The following PRR16 variants were observed in gnomAD, a reference collection of about 807,000 sequenced individuals.
PRR16 encodes protein Largen.
PRR16 carries 6 observed loss-of-function variants against 18.2 expected under a neutral mutation model. That is an observed-to-expected ratio of 0.33 (90% confidence interval 0.18 to 0.65). PRR16 has a LOEUF of 0.65. Among genes scored for constraint, PRR16 ranks in the 30% least tolerant of loss-of-function variants. The pLI is 0.74. For missense variants in PRR16, 412 were observed against 376.6 expected (o/e 1.09, Z -0.78); for synonymous variants, 151 against 147.8 (o/e 1.02, Z -0.16).
At chr5:120,715,105 TAAAA>T in the PRR16 span, among the ~76,000 whole-genome samples, 14 of 144,948 alleles carry the variant, frequency 9.7e-5, no homozygotes, top group East Asian at 2.0e-4. Flanking sequence ...TCCCAGAACT[TAAAA>T]AAAAAAAAGT....
chr5:120,650,800 G>C (rs979181525), intron 1 of PRR16, among the ~76,000 whole-genome samples: 2 of 152,110 alleles, frequency 1.3e-5, no homozygotes, highest in African/African-American at 4.8e-5. Context: ...GTGTGCATGT[G>C]TCTTTATAGC....
rs10606917 is a variant in PRR16 at position 120,646,048 on chromosome 5, T to TTATATATATATATATATATATATA, written c.160-39902_160-39879dup. 2.3e-3 allele frequency among the ~76,000 whole-genome samples: 242 copies of TTATATATATATATATATATATATA among 104,796 alleles called. 6 individuals are homozygous for TTATATATATATATATATATATATA. The highest frequency in any genetic ancestry group is 5.6e-3 in the Middle Eastern group (1 of 180). The allele number at this position is 104,796 out of a possible 152,430, so 68.8% of individuals were successfully genotyped here. A position where few individuals can be genotyped will look rare whatever the true frequency, so the allele number is the denominator to read the frequency against. On this transcript the variant is annotated intron_variant, in intron 1 of 1. Transcript: ENST00000407149. ...CAAATTACAAAAAAAAATACATATT[T>TTATATATATATATATATATATATA]TATATATATATATATATATATATAT...
At chr5:120,685,603 G>T (rs887146327) in intron 1 of PRR16, among the ~76,000 whole-genome samples, 1 of 151,956 alleles carries the variant, frequency 6.6e-6, no homozygotes, top group South Asian at 2.1e-4. Flanking sequence ...ACAGCTTTCT[G>T]CATGTTAAGC....
chr5:120,629,630 C>G (rs1406432986), intron 1 of PRR16, among the ~76,000 whole-genome samples: 1 of 152,100 alleles, frequency 6.6e-6, no homozygotes, highest in Non-Finnish European at 1.5e-5. Context: ...TACTGACATG[C>G]TTTCCAATTT....
chr5:120,788,251 A>G, the PRR16 span, among the ~76,000 whole-genome samples: 8 of 151,992 alleles, frequency 5.3e-5, no homozygotes, highest in Non-Finnish European at 1.2e-4. Context: ...TGGACTCTAG[A>G]GTAGTACACA....
At chr5:120,565,469 T>G (rs1458229427) in intron 1 of PRR16, among the ~76,000 whole-genome samples, 1 of 152,186 alleles carries the variant, frequency 6.6e-6, no homozygotes, top group Non-Finnish European at 1.5e-5. Flanking sequence ...CTTGCCTAAA[T>G]GTGCAGAAGA....
chr5:120,790,493 C>T, the PRR16 span: 1 of 142,080 alleles, frequency 7.0e-6, no homozygotes, highest in Non-Finnish European at 1.6e-5. Context: ...AGAAACATTG[C>T]AGCAATGCAC....
the PRR16 span, among the ~76,000 whole-genome samples, chr5:120,746,322 G>A: frequency 6.6e-6 from 1 of 151,908 alleles, no homozygotes; most frequent in Non-Finnish European, 1.5e-5. Context: ...AGTTAAGTGT[G>A]ATTTTGATTT....
chr5:120,770,942 TCTCTCTCTCA>T, the PRR16 span, among the ~76,000 whole-genome samples: 16 of 150,080 alleles, frequency 1.1e-4, no homozygotes, highest in Non-Finnish European at 1.6e-4. Flanking sequence ...TCTCTCTCTC[TCTCTCTCTCA>T]CACACACACA....
chr5:120,538,068 G>T (rs1031378353), intron 1 of PRR16, among the ~76,000 whole-genome samples: 7 of 152,100 alleles, frequency 4.6e-5, no homozygotes, highest in South Asian at 2.1e-4. Flanking sequence ...GAGCCACCGC[G>T]CCCGGCCGTT....
At chr5:120,589,725 C>A (rs925424488) in intron 1 of PRR16, among the ~76,000 whole-genome samples, 1 of 152,086 alleles carries the variant, frequency 6.6e-6, no homozygotes, top group East Asian at 1.9e-4. Flanking sequence ...ACCATGAGAA[C>A]AGTATGGCAG....
chr5:120,726,944 A>G, the PRR16 span, among the ~76,000 whole-genome samples: 382 of 152,086 alleles, frequency 2.5e-3, no homozygotes, highest in Middle Eastern at 0.01. Flanking sequence ...GGTTTTCTAC[A>G]TTTGTCTTCT....
intron 1 of PRR16, among the ~76,000 whole-genome samples, chr5:120,638,314 C>T (rs921053034): frequency 1.3e-5 from 2 of 152,136 alleles, no homozygotes; most frequent in East Asian, 1.9e-4. Context: ...CAGGTTATTT[C>T]GCCAAGGTCA....
the PRR16 span, among the ~76,000 whole-genome samples, chr5:120,769,755 C>G: frequency 6.6e-6 from 1 of 151,652 alleles, no homozygotes; most frequent in Non-Finnish European, 1.5e-5. Context: ...ATATGGTAGT[C>G]CTGTTTTTAA....
chr5:120,754,353 GATGT>G, the PRR16 span, among the ~76,000 whole-genome samples: 2 of 56,018 alleles, frequency 3.6e-5, no homozygotes, highest in African/African-American at 1.8e-4. Context: ...TATGTTATAT[GATGT>G]ATATAAATAT....
the PRR16 span, among the ~76,000 whole-genome samples, chr5:120,791,511 A>AGAT: frequency 6.6e-6 from 1 of 150,958 alleles, no homozygotes; most frequent in East Asian, 1.9e-4. Flanking sequence ...CATAATAATT[A>AGAT]GATTAAAAAA....
intron 1 of PRR16, among the ~76,000 whole-genome samples, chr5:120,612,329 G>C (rs924616880): frequency 6.6e-6 from 1 of 152,092 alleles, no homozygotes; most frequent in Non-Finnish European, 1.5e-5. Flanking sequence ...GGCATGATTG[G>C]TTTTGAAATG....
At chr5:120,550,265 T>C (rs994934494) in intron 1 of PRR16, among the ~76,000 whole-genome samples, 3 of 152,062 alleles carry the variant, frequency 2.0e-5, no homozygotes, top group Admixed American at 6.6e-5. Context: ...TGGATGTGCA[T>C]GTTGGGTTTG....
intron 1 of PRR16, among the ~76,000 whole-genome samples, chr5:120,598,510 T>C (rs1324024539): frequency 6.6e-6 from 1 of 151,886 alleles, no homozygotes; most frequent in East Asian, 1.9e-4. Context: ...ATTCAGGGTA[T>C]GACTGAAACT....
Sources: gnomAD v4.1 joint callset for allele counts (sites outside exome capture counted in the v4.1 genomes callset) on GRCh38, gnomAD v4.1.1 for gene constraint, MANE v1.5 for transcripts, NCBI Gene and HGNC (gene_info 2026-07-23, HGNC 2026-07-21) for gene names.